SORCS2: variants seen among roughly 807,000 people sequenced by gnomAD.
The protein encoded by SORCS2 is sortilin related VPS10 domain containing receptor 2.
SORCS2 carries 100 observed loss-of-function variants against 141.6 expected under a neutral mutation model. The ratio of observed to expected loss-of-function variants is 0.71; its 90% CI spans 0.60 to 0.83. The LOEUF (loss-of-function observed/expected upper bound fraction) is 0.83. Ranked by LOEUF, SORCS2 falls within the 40% of genes least tolerant of loss-of-function variation. The pLI, the probability that SORCS2 is intolerant of heterozygous loss-of-function variation, is 0.00. For missense variants in SORCS2, 1,646 were observed against 1,560.2 expected (o/e 1.05, Z -0.93); for synonymous variants, 789 against 676.9 (o/e 1.17, Z -2.57).
At chr4:7,632,177 G>A (rs34741744) in intron 3 of SORCS2, among the ~76,000 whole-genome samples, 39,433 of 152,086 alleles carry the variant, frequency 0.26, 6,423 homozygotes, top group East Asian at 0.74. Flanking sequence ...GCTGGTCCCC[G>A]TAAACTGTGC....
At chr4:7,450,960 G>C (rs1246888566) in intron 2 of SORCS2, among the ~76,000 whole-genome samples, 1 of 151,750 alleles carries the variant, frequency 6.6e-6, no homozygotes, top group Non-Finnish European at 1.5e-5. Flanking sequence ...GAGTGGATGG[G>C]AGAGTGAGTG....
chr4:7,339,470 T>C (rs1220726913), intron 1 of SORCS2, among the ~76,000 whole-genome samples: 1 of 152,156 alleles, frequency 6.6e-6, no homozygotes, highest in African/African-American at 2.4e-5. Context: ...TGCAGCTGGG[T>C]GGGGGCAACT....
chr4:7,293,364 C>T (rs898046231), intron 1 of SORCS2, among the ~76,000 whole-genome samples: 12 of 151,974 alleles, frequency 7.9e-5, no homozygotes, highest in Non-Finnish European at 1.6e-4. Context: ...GTCCCCTGAC[C>T]GACTTCTCTC....
intron 1 of SORCS2, among the ~76,000 whole-genome samples, chr4:7,275,914 C>G (rs1257219573): frequency 6.6e-6 from 1 of 152,110 alleles, no homozygotes; most frequent in Non-Finnish European, 1.5e-5. Context: ...CCCGGGACTC[C>G]TAGTGTCCGA....
chr4:7,551,968 T>C (rs978382218), intron 3 of SORCS2, among the ~76,000 whole-genome samples: 16 of 152,166 alleles, frequency 1.1e-4, no homozygotes, highest in African/African-American at 3.9e-4. Flanking sequence ...GCTCTGCAAA[T>C]CATGGCGTCC....
intron 2 of SORCS2, among the ~76,000 whole-genome samples, chr4:7,482,745 C>A (rs1730726967): frequency 7.1e-6 from 1 of 140,176 alleles, no homozygotes; most frequent in Non-Finnish European, 1.5e-5. Flanking sequence ...GCTGCGGACA[C>A]CCCTGACGCT....
At position 7,740,788 on chromosome 4, in the gene SORCS2, C is replaced by T. The variant is rs1249560497; in HGVS notation, c.*524C>T. On this transcript the variant is annotated 3_prime_UTR_variant, in exon 27 of 27. Coordinates refer to ENST00000507866, the MANE Select transcript of SORCS2 (RefSeq NM_020777.3). ...CCAACACCACACCACCCTCCAGGCC[C>T]CCCTGCCCTCCGGCTGGAAACTGCA... 5 of 356,984 alleles carry T rather than the reference C, an allele frequency of 1.4e-5. No individual in the cohort carries two copies. The highest frequency in any genetic ancestry group is 7.3e-4 in the Middle Eastern group (1 of 1,364). The allele number at this position is 356,984 out of a possible 1,614,324, so 22.1% of individuals were successfully genotyped here.
intron 3 of SORCS2, among the ~76,000 whole-genome samples, chr4:7,619,994 C>A (rs1006086425): frequency 1.3e-5 from 2 of 152,020 alleles, no homozygotes; most frequent in African/African-American, 4.8e-5. Context: ...CATCTAGTTA[C>A]ACCTCTTTTT....
At chr4:7,194,232 C>T (rs1560448122) in intron 1 of SORCS2, among the ~76,000 whole-genome samples, 1 of 152,088 alleles carries the variant, frequency 6.6e-6, no homozygotes, top group Non-Finnish European at 1.5e-5. Flanking sequence ...GAGACCTCTT[C>T]TCGCTTCCCA....
intron 1 of SORCS2, among the ~76,000 whole-genome samples, chr4:7,246,687 C>A (rs1713120612): frequency 6.6e-6 from 1 of 152,202 alleles, no homozygotes; most frequent in Non-Finnish European, 1.5e-5. Flanking sequence ...AGCCAGGTAG[C>A]ATCTGGAGGG....
At chr4:7,554,649 G>C (rs1448008425) in intron 3 of SORCS2, among the ~76,000 whole-genome samples, 1 of 152,208 alleles carries the variant, frequency 6.6e-6, no homozygotes, top group Non-Finnish European at 1.5e-5. Flanking sequence ...TGTGCTCAGG[G>C]CATCTTTGAT....
intron 2 of SORCS2, among the ~76,000 whole-genome samples, chr4:7,467,112 G>T (rs986383601): frequency 6.6e-6 from 1 of 152,096 alleles, no homozygotes; most frequent in Non-Finnish European, 1.5e-5. Flanking sequence ...CCAGCCTGGC[G>T]TCCCCCCAGG....
chr4:7,726,306 G>A (rs573605093), intron 20 of SORCS2, among the ~76,000 whole-genome samples: 152 of 152,318 alleles, frequency 1.0e-3, no homozygotes, highest in Non-Finnish European at 1.9e-3. Flanking sequence ...GAAGGAAGGG[G>A]GTGCTGGGAC....
chr4:7,525,547 C>T (rs369937537), intron 2 of SORCS2, among the ~76,000 whole-genome samples: 36 of 152,178 alleles, frequency 2.4e-4, no homozygotes, highest in African/African-American at 8.2e-4. Context: ...GTCACTCCAT[C>T]TTCCATGTCA....
At chr4:7,450,782 T>A (rs1396681050) in intron 2 of SORCS2, among the ~76,000 whole-genome samples, 1 of 151,838 alleles carries the variant, frequency 6.6e-6, no homozygotes, top group Non-Finnish European at 1.5e-5. Context: ...AGAGAGTGAA[T>A]GAGGGAATGA....
intron 8 of SORCS2, among the ~76,000 whole-genome samples, chr4:7,674,306 G>A (rs753018832): frequency 2.7e-4 from 41 of 152,068 alleles, no homozygotes; most frequent in Non-Finnish European, 3.1e-4. Context: ...TCGGCCGGGC[G>A]CGGTGGCTCA....
At chr4:7,601,745 A>G (rs1019170702) in intron 3 of SORCS2, among the ~76,000 whole-genome samples, 2 of 151,790 alleles carry the variant, frequency 1.3e-5, no homozygotes, top group African/African-American at 4.8e-5. Flanking sequence ...TCATAGGACA[A>G]TAGTGGAGGG....
At chr4:7,277,380 G>A (rs1281108741) in intron 1 of SORCS2, among the ~76,000 whole-genome samples, 1 of 152,220 alleles carries the variant, frequency 6.6e-6, no homozygotes, top group Non-Finnish European at 1.5e-5. Context: ...ACAGCAGCAG[G>A]GATGAGTGTG....
chr4:7,332,735 C>A (rs1560199037), intron 1 of SORCS2, among the ~76,000 whole-genome samples: 1 of 152,238 alleles, frequency 6.6e-6, no homozygotes, highest in Non-Finnish European at 1.5e-5. Flanking sequence ...TGAGCACAAG[C>A]CCCTCTTGGC....
Sources: gnomAD v4.1 joint callset for allele counts (sites outside exome capture counted in the v4.1 genomes callset) on GRCh38, gnomAD v4.1.1 for gene constraint, MANE v1.5 for transcripts, NCBI Gene and HGNC (gene_info 2026-07-23, HGNC 2026-07-21) for gene names.